KRT39: variants seen among roughly 807,000 people sequenced by gnomAD.
KRT39 encodes keratin, type I cytoskeletal 39.
KRT39 carries 47 observed loss-of-function variants against 54.8 expected under a neutral mutation model. The observed-to-expected ratio is 0.86, with a 90% CI of 0.68 to 1.09. KRT39 has a LOEUF of 1.09. Ranked by LOEUF, KRT39 falls within the 50% of genes least tolerant of loss-of-function variation. KRT39 has a pLI of 0.00. For synonymous variants in KRT39, 207 were observed against 227.9 expected (o/e 0.91, Z 0.83); for missense variants, 580 against 598.5 (o/e 0.97, Z 0.32).
rs1184754840 is a variant in KRT39 at position 40,966,920 on chromosome 17, C to A, written c.-64G>T. On this transcript the variant is annotated 5_prime_UTR_variant, in exon 1 of 7. In the 5' UTR this introduces an upstream ATG that the reference lacks. Transcript: ENST00000355612. ...CACCAGGATGAAAAGCTCAAGCCAC[C>A]TCCACAGAGTCTGAATTCCAAGGCT... 2 of 1,158,950 alleles carry A rather than the reference C, an allele frequency of 1.7e-6. No homozygotes were observed. Among genetic ancestry groups the A allele is most frequent in the Admixed American group, 1.8e-5 (1 of 55,480 alleles). 71.8% of individuals were successfully genotyped at this position (1,158,950 alleles called of 1,614,324 possible).
rs1468824128 is a variant in KRT39 at position 40,962,273 on chromosome 17, A to T, written c.885T>A (p.Asn295Lys). Residue 295 changes from asparagine (N) to lysine (K), a missense_variant, in exon 5 of 7, where the codon AAT becomes AAA. Coordinates refer to ENST00000355612, the MANE Select transcript of KRT39 (RefSeq NM_213656.4). ...GTTGAGAGCTGGTCACCACTTGTTG[A>T]TTCAGCTCCTCTATCTGAAACACAC... ...QWFNTQIEEL[N>K]QQVVTSSQQQ... 2.5e-6 allele frequency: 4 copies of T among 1,614,110 alleles called. No individual in the cohort carries two copies. Among genetic ancestry groups the T allele is most frequent in the African/African-American group, 1.3e-5 (1 of 74,934 alleles).
At chr17:40,958,914 T>C in intron 6 of KRT39, 55 bp from the exon 7 acceptor site, 1 of 1,506,236 alleles carries the variant, frequency 6.6e-7, no homozygotes, top group Non-Finnish European at 8.9e-7. Context: ...ATGATGGTCA[T>C]GGAGAAAAAT....
chr17:40,964,416 G>T (rs758912866), intron 2 of KRT39, 30 bp downstream of exon 2: 4 of 1,600,024 alleles, frequency 2.5e-6, no homozygotes, highest in Non-Finnish European at 3.4e-6. Flanking sequence ...GGTGAGCTCT[G>T]TCATTGATGA....
At position 40,960,501 on chromosome 17, in the gene KRT39, T is replaced by C; in HGVS notation, c.997A>G (p.Arg333Gly). ...EVELQAQHRM[R>G]DSQECILTET... is the part of the protein sequence containing the mutation. ...GTTAGGATGCACTCTTGGGAATCTC[T>C]CTACCATGGAGAAGGATAGTAGGAT... is the stretch of plus-strand genomic sequence containing the variant. Residue 333 changes from arginine (R) to glycine (G), a missense_variant and splice_region_variant, in exon 6 of 7, where the codon AGA (arginine) becomes GGA (glycine). Arg to Gly is a moderately radical substitution (Grantham distance 125, BLOSUM62 -2). Coordinates refer to ENST00000355612, the MANE Select transcript of KRT39 (RefSeq NM_213656.4). 4 of 1,610,708 alleles carry C rather than the reference T, an allele frequency of 2.5e-6. No individual in the cohort carries two copies. The highest frequency in any genetic ancestry group is 3.4e-6 in the Non-Finnish European group (4 of 1,176,882).
rs766186084 is a variant in KRT39, at chr17:40,960,393, G to A, written c.1105C>T (p.Arg369Trp). The A allele has an allele frequency of 8.7e-6, 14 of 1,613,912 alleles. No homozygotes were observed. The highest frequency in any genetic ancestry group is 1.6e-4 in the Middle Eastern group (1 of 6,082). ...DNLEAQLAEI[R>W]CALERQNQEY... ...TGGTTCTGTCTTTCCAGGGCACACC[G>A]GATCTCTGCCAGCTGAGCTTCCAGG... The change falls in exon 6 of 7, where the codon CGG becomes TGG. Residue 369 changes from arginine (R) to tryptophan (W), a missense_variant. Transcript: ENST00000355612.
chr17:40,964,762 T>C (rs1004933007), intron 1 of KRT39, among the ~76,000 whole-genome samples: 2 of 124,578 alleles, frequency 1.6e-5, no homozygotes, highest in African/African-American at 9.1e-5. Flanking sequence ...TTTTTTTTGT[T>C]GTTGTTGTTA....
chr17:40,963,262 T>C (rs139336760), intron 3 of KRT39, among the ~76,000 whole-genome samples: 7 of 152,176 alleles, frequency 4.6e-5, no homozygotes, highest in African/African-American at 1.7e-4. Flanking sequence ...TGGGAGGAGA[T>C]TGGATCATGG....
chr17:40,966,811 A>T lies in KRT39; in HGVS notation c.46T>A (p.Cys16Ser), dbSNP rs750244043. 3 of 1,614,046 alleles carry T rather than the reference A, an allele frequency of 1.9e-6. No homozygotes were observed. Among genetic ancestry groups the T allele is most frequent in the Admixed American group, 1.7e-5 (1 of 60,024 alleles). ...CTTTNSPSTP[C>S]QNCSRITNVS... The stretch of plus-strand genomic sequence containing the variant: ...TTTGTAATCCTAGAGCAGTTTTGAC[A>T]TGGGGTTGAAGGAGAATTGGTTGTT... Residue 16 changes from cysteine to serine, a missense_variant, in exon 1 of 7, where the codon TGT becomes AGT. Transcript: ENST00000355612.
At chr17:40,964,263 T>C (rs1264564762) in intron 2 of KRT39, 183 bp downstream of exon 2, 3 of 615,866 alleles carry the variant, frequency 4.9e-6, no homozygotes, top group South Asian at 2.0e-5. Flanking sequence ...AAACTATAGG[T>C]ACTGTATACA....
Position 40,964,544 on chromosome 17 carries a change from T to C in KRT39, c.469-16A>G, listed in dbSNP as rs1267189560. 1.9e-6 allele frequency: 3 copies of C among 1,560,880 alleles called. No individual in the cohort carries two copies. The highest frequency in any genetic ancestry group is 2.7e-6 in the Non-Finnish European group (3 of 1,131,310). ...TACACAAGATCTAGAATTAAGAGAT[T>C]GTACACACAAATGAAGCAAACACCA... On this transcript the variant is annotated splice_polypyrimidine_tract_variant and intron_variant, in intron 1 of 6. Coordinates refer to ENST00000355612, the MANE Select transcript of KRT39 (RefSeq NM_213656.4).
At chr17:40,965,114 G>A (rs1217815571) in intron 1 of KRT39, among the ~76,000 whole-genome samples, 6 of 151,948 alleles carry the variant, frequency 3.9e-5, no homozygotes, top group African/African-American at 1.4e-4. Context: ...TGAGGCAGGA[G>A]AATGGCATGA....
Position 40,962,556 on chromosome 17 carries a change from T to C in KRT39, c.716A>G (p.Asn239Ser). The C allele has an allele frequency of 1.2e-6, 2 of 1,611,144 alleles. No homozygotes were observed. The highest frequency in any genetic ancestry group is 1.7e-6 in the Non-Finnish European group (2 of 1,179,194). ...CTCCCCAAGCTGACACTGTAAAGAATTGATTTCCTAAGGAAAGAAAAAGAC... is the reference window on the plus strand; with the variant it reads ...CTCCCCAAGCTGACACTGTAAAGAACTGATTTCCTAAGGAAAGAAAAAGAC... ...CLKNNHKEEI[N>S]SLQCQLGERL... Residue 239 changes from asparagine (N) to serine (S), a missense_variant, in exon 4 of 7, where the codon AAT becomes AGT. Coordinates refer to ENST00000355612, the MANE Select transcript of KRT39 (RefSeq NM_213656.4).
At chr17:40,963,887 G>A in intron 2 of KRT39, 104 bp from the exon 3 acceptor site, 3 of 773,516 alleles carry the variant, frequency 3.9e-6, no homozygotes, top group Non-Finnish European at 6.2e-6. Flanking sequence ...CTCACTTAGT[G>A]TATTTCTATT....
rs1911177683 is a variant in KRT39, at chr17:40,962,180, C to A, written c.978G>T (p.Leu326=). Residue 326 remains leucine, a synonymous_variant, in exon 5 of 7, where the codon CTG becomes CTT. Transcript: ENST00000355612. ...RRSVNTLEVE[L]QAQHRMRDSQ... Reference sequence around the variant, plus strand: ...TCAGTACCATTCGATGCTGGGCCTGCAGTTCAACCTCCAGAGTGTTCACAC... The same window carrying A: ...TCAGTACCATTCGATGCTGGGCCTGAAGTTCAACCTCCAGAGTGTTCACAC... The A allele has an allele frequency of 1.2e-6, 2 of 1,614,182 alleles. No homozygotes were observed. The highest frequency in any genetic ancestry group is 8.5e-7 in the Non-Finnish European group (1 of 1,180,020).
Position 40,960,427 on chromosome 17 carries a change from C to T in KRT39, c.1071G>A (p.Leu357=). The T allele has an allele frequency of 6.2e-7, 1 of 1,614,122 alleles. No individual in the cohort carries two copies. The highest frequency in any genetic ancestry group is 8.5e-7 in the Non-Finnish European group (1 of 1,180,020). The stretch of plus-strand genomic sequence containing the variant: ...CCAGCTGAGCTTCCAGGTTATCAAT[C>T]AGACTCTGGATCTGGGTCAGCAAGG... ...YTALLTQIQS[L]IDNLEAQLAE... Residue 357 remains leucine (L), a synonymous_variant, in exon 6 of 7, where the codon CTG becomes CTA. Transcript: ENST00000355612.
At chr17:40,960,183 G>A in intron 6 of KRT39, 98 bp downstream of exon 6, 1 of 1,033,856 alleles carries the variant, frequency 9.7e-7, no homozygotes. Context: ...CTGGCAAGAA[G>A]GTCAAACAAA....
In KRT39 at chr17:40,966,556, G is replaced by A; in HGVS notation, c.301C>T (p.Gln101Ter). ...TTAGCAAGGCGCTCGTTCAAGATTT[G>A]CATGGTCTCCTTCTCATTACTGTTG... is the stretch of plus-strand genomic sequence containing the variant. ...GINSNEKETM[Q>*]ILNERLANYL... Residue 101 changes from glutamine to a stop codon, truncating the protein, a stop_gained, in exon 1 of 7, where the codon CAA becomes TAA. Transcript: ENST00000355612. LOFTEE classifies it high-confidence loss of function. 6 of 1,614,190 alleles carry A rather than the reference G, an allele frequency of 3.7e-6. No homozygotes were observed. The highest frequency in any genetic ancestry group is 4.2e-6 in the Non-Finnish European group (5 of 1,180,030).
At chr17:40,966,304 C>A (rs754060131) in intron 1 of KRT39, 85 bp downstream of exon 1, 39 of 1,176,882 alleles carry the variant, frequency 3.3e-5, no homozygotes, top group Non-Finnish European at 3.9e-5. Context: ...ATCAACTGAA[C>A]AAAAAATATT....
In KRT39 at chr17:40,958,739, C is replaced by T. The variant is rs1911007557; in HGVS notation, c.1338G>A (p.Glu446=). The T allele has an allele frequency of 6.2e-7, 1 of 1,613,994 alleles. No individual in the cohort carries two copies. Among genetic ancestry groups the T allele is most frequent in the Admixed American group, 1.7e-5 (1 of 59,996 alleles). The change falls in exon 7 of 7, where the codon GAG becomes GAA. Residue 446 remains glutamate (E), a synonymous_variant. Transcript: ENST00000355612. The stretch of plus-strand genomic sequence containing the variant: ...ACAGGGGTCCGCAGGCACTGCAGTG[C>T]TCCTTTAAGCTGCAGGGGGATGAGG... ...CTSSSPCSLK[E]HCSACGPLSR...
Sources: gnomAD v4.1 joint callset for allele counts (sites outside exome capture counted in the v4.1 genomes callset) on GRCh38, gnomAD v4.1.1 for gene constraint, MANE v1.5 for transcripts, NCBI Gene and HGNC (gene_info 2026-07-23, HGNC 2026-07-21) for gene names.